Variants in NRG1 observed in about 807,000 individuals in gnomAD.
The protein encoded by NRG1 is pro-neuregulin-1, membrane-bound isoform.
Under a neutral mutation model 63.8 loss-of-function variants are expected in NRG1, and 18 were observed. The observed-to-expected ratio is 0.28, with a 90% CI of 0.19 to 0.42. The LOEUF (loss-of-function observed/expected upper bound fraction) is 0.42. NRG1 is among the 10% of genes least tolerant of loss of function. The pLI is 1.00. For synonymous variants in NRG1, 302 were observed against 301.3 expected (o/e 1.00, Z -0.02); for missense variants, 762 against 814.7 (o/e 0.94, Z 0.79).
chr8:32,540,739 A>G (rs1204136060), intron 1 of NRG1, among the ~76,000 whole-genome samples: 1 of 152,284 alleles, frequency 6.6e-6, no homozygotes, highest in East Asian at 1.9e-4. Context: ...AGAATCCTAC[A>G]TGCTGAATAA....
chr8:32,044,913 C>CAAAAAAAAAAAAAA lies in NRG1; in HGVS notation c.37+405487_37+405500dup. The stretch of plus-strand genomic sequence containing the variant: ...CCTTAAGAACTTACATAAAGAAAAG[C>CAAAAAAAAAAAAAA]AAAAAAAAAAAAAAAAAACACACAC... On this transcript the variant is annotated intron_variant, in intron 1 of 10. Coordinates refer to the NRG1 transcript ENST00000519301. Among the ~76,000 whole-genome samples the CAAAAAAAAAAAAAA allele has an allele frequency of 6.8e-4, 39 of 57,134 alleles. 1 individual carries two copies. Among genetic ancestry groups the CAAAAAAAAAAAAAA allele is most frequent in the East Asian group, 1.1e-3 (3 of 2,804 alleles). 37.5% of individuals were successfully genotyped at this position (57,134 alleles called of 152,430 possible). A position where few individuals can be genotyped will look rare whatever the true frequency, so the allele number is the denominator to read the frequency against.
chr8:32,333,516 A>G (rs950028237), intron 1 of NRG1, among the ~76,000 whole-genome samples: 2 of 152,176 alleles, frequency 1.3e-5, no homozygotes, highest in Non-Finnish European at 2.9e-5. Flanking sequence ...TAGAAAGAAT[A>G]AATTAGTTTT....
chr8:31,848,598 C>G (rs947747214), intron 1 of NRG1, among the ~76,000 whole-genome samples: 1 of 152,180 alleles, frequency 6.6e-6, no homozygotes, highest in African/African-American at 2.4e-5. Flanking sequence ...TCTTCTGTAC[C>G]TACAGCCACT....
intron 1 of NRG1, among the ~76,000 whole-genome samples, chr8:32,458,858 C>T (rs866488357): frequency 1.3e-5 from 2 of 152,288 alleles, no homozygotes; most frequent in South Asian, 4.1e-4. Flanking sequence ...TTATAGTAGG[C>T]AAAACTATGA....
chr8:32,055,544 C>CA (rs1319319696), intron 1 of NRG1, among the ~76,000 whole-genome samples: 8 of 152,024 alleles, frequency 5.3e-5, no homozygotes, highest in South Asian at 2.1e-4. Flanking sequence ...TCTCAGAAGA[C>CA]AAATATAGAA....
intron 6 of NRG1, among the ~76,000 whole-genome samples, chr8:32,730,239 G>A (rs1823297320): frequency 6.6e-6 from 1 of 152,072 alleles, no homozygotes. Flanking sequence ...CTTGAGCCCA[G>A]GAGTTGGAGA....
At chr8:31,930,860 T>C (rs1157785048) in intron 1 of NRG1, among the ~76,000 whole-genome samples, 3 of 152,206 alleles carry the variant, frequency 2.0e-5, no homozygotes, top group Non-Finnish European at 4.4e-5. Context: ...ATTGCTCTTT[T>C]CCAAATGTTC....
chr8:31,720,300 T>G (rs1223778005), intron 1 of NRG1, among the ~76,000 whole-genome samples: 1 of 152,164 alleles, frequency 6.6e-6, no homozygotes, highest in Non-Finnish European at 1.5e-5. Flanking sequence ...ATGTGTATGA[T>G]TAATTGACAT....
chr8:31,709,989 C>T (rs2131246564), intron 1 of NRG1, among the ~76,000 whole-genome samples: 1 of 151,636 alleles, frequency 6.6e-6, no homozygotes, highest in Admixed American at 6.5e-5. Flanking sequence ...AAATTTCATT[C>T]AGAAACTCAA....
chr8:31,835,973 C>G (rs1476120847), intron 1 of NRG1, among the ~76,000 whole-genome samples: 2 of 152,072 alleles, frequency 1.3e-5, no homozygotes, highest in Non-Finnish European at 2.9e-5. Flanking sequence ...GTTTATTTAA[C>G]CCATCTAAAT....
intron 1 of NRG1, among the ~76,000 whole-genome samples, chr8:32,042,054 A>G (rs556448840): frequency 6.6e-6 from 1 of 152,328 alleles, no homozygotes; most frequent in Admixed American, 6.5e-5. Context: ...TATTAAAATA[A>G]AGATGAAAAA....
chr8:32,233,358 C>T (rs1317851612), intron 1 of NRG1, among the ~76,000 whole-genome samples: 1 of 151,842 alleles, frequency 6.6e-6, no homozygotes. Context: ...GCAATCCTCC[C>T]ACCTCCTCCT....
At chr8:32,505,733 G>A (rs758468850) in intron 1 of NRG1, among the ~76,000 whole-genome samples, 5 of 152,216 alleles carry the variant, frequency 3.3e-5, no homozygotes, top group Non-Finnish European at 7.3e-5. Context: ...GTGGACCTGT[G>A]ACACTTGGGA....
chr8:31,852,384 T>C (rs1827334763), intron 1 of NRG1, among the ~76,000 whole-genome samples: 1 of 151,842 alleles, frequency 6.6e-6, no homozygotes, highest in Non-Finnish European at 1.5e-5. Context: ...TTTTCATGTG[T>C]TTTTTGGCTG....
At chr8:31,682,656 A>G (rs1033800728) in intron 1 of NRG1, among the ~76,000 whole-genome samples, 2 of 152,118 alleles carry the variant, frequency 1.3e-5, no homozygotes, top group Admixed American at 6.6e-5. Context: ...ATGTTAAAAA[A>G]AATTCGAGTG....
At chr8:32,266,521 T>C (rs1041924435) in intron 1 of NRG1, among the ~76,000 whole-genome samples, 1 of 152,028 alleles carries the variant, frequency 6.6e-6, no homozygotes, top group African/African-American at 2.4e-5. Context: ...GAAAACACCA[T>C]TGAGGAAGGA....
intron 1 of NRG1, among the ~76,000 whole-genome samples, chr8:31,650,480 T>C (rs1804726420): frequency 6.6e-6 from 1 of 152,198 alleles, no homozygotes; most frequent in African/African-American, 2.4e-5. Flanking sequence ...TGTTTTTACA[T>C]ATGCCATTTC....
intron 1 of NRG1, among the ~76,000 whole-genome samples, chr8:32,415,663 C>T (rs1454557661): frequency 6.6e-6 from 1 of 152,154 alleles, no homozygotes; most frequent in African/African-American, 2.4e-5. Flanking sequence ...GCTTCTCTAA[C>T]CTTTCCCCTT....
intron 1 of NRG1, among the ~76,000 whole-genome samples, chr8:31,818,891 ACT>A (rs1823721081): frequency 6.6e-6 from 1 of 152,118 alleles, no homozygotes; most frequent in South Asian, 2.1e-4. Context: ...CCCTGTCTCT[ACT>A]AAAAATACAA....
Sources: gnomAD v4.1 joint callset for allele counts (sites outside exome capture counted in the v4.1 genomes callset) on GRCh38, gnomAD v4.1.1 for gene constraint, MANE v1.5 for transcripts, NCBI Gene and HGNC (gene_info 2026-07-23, HGNC 2026-07-21) for gene names.